PIK3C2G: variants seen among roughly 807,000 people sequenced by gnomAD.
PIK3C2G encodes phosphatidylinositol-4-phosphate 3-kinase catalytic subunit type 2 gamma, also known as phosphatidylinositol 3-kinase C2 domain-containing subunit gamma.
PIK3C2G carries 168 observed loss-of-function variants against 181.1 expected under a neutral mutation model. The observed-to-expected ratio is 0.93, with a 90% CI of 0.82 to 1.05. The LOEUF (loss-of-function observed/expected upper bound fraction) is 1.05, where lower values mean the gene tolerates loss of function less well. Ranked by LOEUF, PIK3C2G falls within the 50% of genes least tolerant of loss-of-function variation. The probability of loss-of-function intolerance (pLI) is 0.00; values close to 1 mark genes in which losing one functional copy is unlikely to be tolerated. For missense variants in PIK3C2G, 1,869 were observed against 1,732.8 expected (o/e 1.08, Z -1.40); for synonymous variants, 573 against 592.2 (o/e 0.97, Z 0.47).
At chr12:18,536,935 T>G (rs1943888218) in intron 24 of PIK3C2G, among the ~76,000 whole-genome samples, 1 of 152,140 alleles carries the variant, frequency 6.6e-6, no homozygotes, top group Non-Finnish European at 1.5e-5. Flanking sequence ...GTGAAGGTAC[T>G]GGTATTCCAG....
intron 11 of PIK3C2G, among the ~76,000 whole-genome samples, chr12:18,360,090 G>A (rs778184122): frequency 6.6e-6 from 1 of 151,776 alleles, no homozygotes; most frequent in Non-Finnish European, 1.5e-5. Context: ...TTGTGGGGGA[G>A]GTAGTGACTT....
At chr12:18,690,253 G>A in the PIK3C2G span, among the ~76,000 whole-genome samples, 3 of 151,990 alleles carry the variant, frequency 2.0e-5, no homozygotes, top group African/African-American at 7.2e-5. Flanking sequence ...GACGAACTTT[G>A]GCTCTTGCTA....
At chr12:18,305,949 G>T (rs529976380) in intron 5 of PIK3C2G, among the ~76,000 whole-genome samples, 1 of 148,714 alleles carries the variant, frequency 6.7e-6, no homozygotes, top group Non-Finnish European at 1.5e-5. Context: ...TTTTTTTACC[G>T]ACTTTCTTAG....
At chr12:18,255,216 A>AAAATAAATAAAT (rs59041304) in intron 1 of PIK3C2G, among the ~76,000 whole-genome samples, 6,906 of 131,734 alleles carry the variant, frequency 0.052, 227 homozygotes, top group Middle Eastern at 0.076. Context: ...CTCCGTCTCA[A>AAAATAAATAAAT]AAATAAATAA....
chr12:18,304,713 G>A (rs1950347643), intron 5 of PIK3C2G, among the ~76,000 whole-genome samples: 1 of 152,138 alleles, frequency 6.6e-6, no homozygotes, highest in Non-Finnish European at 1.5e-5. Context: ...CAGTAAAACT[G>A]CATTGTATAT....
the PIK3C2G span, chr12:18,696,222 A>G: frequency 1.0e-5 from 16 of 1,600,496 alleles, no homozygotes; most frequent in Middle Eastern, 3.3e-4. Flanking sequence ...GCTTTGGGAT[A>G]TATTCTGGTA....
rs11044185 is a variant in PIK3C2G at position 18,563,232 on chromosome 12, C to A, written c.3781-145C>A. ...TAGATATTATTTATATTTAATTTTG[C>A]CTTTACAAAATGCATCTCCTAGCTT... On this transcript the variant is annotated intron_variant, in intron 27 of 32. Coordinates refer to ENST00000538779, the MANE Select transcript of PIK3C2G (RefSeq NM_001288772.2). 0.015 allele frequency: 10,721 copies of A among 695,468 alleles called. 903 individuals carry two copies. The African/African-American group carries it at 0.17, about 11-fold the overall frequency. 43.1% of individuals were successfully genotyped at this position (695,468 alleles called of 1,614,324 possible).
intron 31 of PIK3C2G, 43 bp downstream of exon 31, chr12:18,609,672 C>T (rs759467966): frequency 1.5e-5 from 18 of 1,213,598 alleles, no homozygotes; most frequent in Non-Finnish European, 2.1e-5. Context: ...AGCCTACATC[C>T]AGAAATCACT....
intron 18 of PIK3C2G, among the ~76,000 whole-genome samples, chr12:18,433,874 C>T (rs1946299881): frequency 6.6e-6 from 1 of 152,104 alleles, no homozygotes; most frequent in Non-Finnish European, 1.5e-5. Flanking sequence ...CAGTAGGGTA[C>T]AGGCCTGAAG....
intron 31 of PIK3C2G, among the ~76,000 whole-genome samples, chr12:18,627,491 C>T (rs1949154931): frequency 6.6e-6 from 1 of 152,020 alleles, no homozygotes; most frequent in Non-Finnish European, 1.5e-5. Flanking sequence ...TGGAGGCAGC[C>T]ACCTTTTCTG....
intron 1 of PIK3C2G, among the ~76,000 whole-genome samples, chr12:18,250,062 TAGTC>T (rs911906480): frequency 6.6e-6 from 1 of 152,074 alleles, no homozygotes; most frequent in African/African-American, 2.4e-5. Context: ...TAACCAGAAT[TAGTC>T]AGAAAAATCT....
the PIK3C2G span, chr12:18,688,169 C>T: frequency 1.2e-6 from 2 of 1,610,706 alleles, no homozygotes; most frequent in African/African-American, 1.3e-5. Context: ...TAATGAATCA[C>T]CTTTGTTAGA....
the PIK3C2G span, among the ~76,000 whole-genome samples, chr12:18,678,965 T>C: frequency 6.6e-6 from 1 of 152,078 alleles, no homozygotes; most frequent in African/African-American, 2.4e-5. Flanking sequence ...CTAGCAGTGA[T>C]TGAGTTCAGT....
chr12:18,614,119 A>G (rs1166218731), intron 31 of PIK3C2G, among the ~76,000 whole-genome samples: 1 of 152,116 alleles, frequency 6.6e-6, no homozygotes, highest in Non-Finnish European at 1.5e-5. Flanking sequence ...GTCAATTTTT[A>G]AAATAAAGGA....
intron 8 of PIK3C2G, among the ~76,000 whole-genome samples, chr12:18,337,815 A>G (rs1938681516): frequency 6.6e-6 from 1 of 152,184 alleles, no homozygotes; most frequent in African/African-American, 2.4e-5. Flanking sequence ...CATCCAAACT[A>G]TATCAGTAGA....
intron 5 of PIK3C2G, among the ~76,000 whole-genome samples, chr12:18,312,322 G>T (rs80349313): frequency 6.6e-6 from 1 of 152,178 alleles, no homozygotes; most frequent in East Asian, 1.9e-4. Flanking sequence ...AAGTAAGCAC[G>T]CAGTAGCCAT....
intron 16 of PIK3C2G, among the ~76,000 whole-genome samples, chr12:18,404,896 G>C (rs568694863): frequency 6.6e-6 from 1 of 152,082 alleles, no homozygotes; most frequent in East Asian, 1.9e-4. Context: ...ATGAGAGAAA[G>C]AATATTAGAT....
At chr12:18,497,394 T>C (rs898506451) in intron 21 of PIK3C2G, among the ~76,000 whole-genome samples, 7 of 152,166 alleles carry the variant, frequency 4.6e-5, no homozygotes, top group African/African-American at 1.4e-4. Context: ...GCAGCACCTC[T>C]AATTTGATGG....
chr12:18,538,986 C>G (rs1274381212), intron 25 of PIK3C2G, among the ~76,000 whole-genome samples: 1 of 151,918 alleles, frequency 6.6e-6, no homozygotes, highest in Non-Finnish European at 1.5e-5. Flanking sequence ...ATAGTGATTC[C>G]TCTAGGCACA....
Sources: allele counts gnomAD v4.1 joint callset (sites outside exome capture counted in the v4.1 genomes callset), GRCh38; gene constraint gnomAD v4.1.1; transcripts MANE v1.5; gene names NCBI Gene and HGNC (gene_info 2026-07-23, HGNC 2026-07-21).